The following CNIH3 variants were observed in gnomAD, a reference collection of about 807,000 sequenced individuals.
CNIH3 encodes cornichon family AMPA receptor auxiliary protein 3, also known as protein cornichon homolog 3.
CNIH3 carries 14 observed loss-of-function variants against 24.1 expected under a neutral mutation model. The ratio of observed to expected loss-of-function variants is 0.58; its 90% CI spans 0.38 to 0.91. CNIH3 has a LOEUF of 0.91. CNIH3 is among the 40% of genes least tolerant of loss of function. The pLI is 0.00. For missense variants in CNIH3, 178 were observed against 196.8 expected, an observed-to-expected ratio of 0.90 and a Z score of 0.57; for synonymous variants, 68 against 73.8, an observed-to-expected ratio of 0.92 and a Z score of 0.40.
At position 224,640,286 on chromosome 1, in the gene CNIH3, C is replaced by T. The variant is rs114787657; in HGVS notation, c.81+23031C>T. Among the ~76,000 whole-genome samples, 1,002 of 152,310 alleles carry T rather than the reference C, an allele frequency of 6.6e-3. 11 individuals carry two copies. The highest frequency in any genetic ancestry group is 0.023 in the African/African-American group (948 of 41,564). Reference sequence around the variant, plus strand: ...CACCAGCCTCCGCCACCTCTCTGAGCGGCACTTTTCTCATCTGGGTGGCTG... The same window carrying T: ...CACCAGCCTCCGCCACCTCTCTGAGTGGCACTTTTCTCATCTGGGTGGCTG... On this transcript the variant is annotated intron_variant, in intron 1 of 5. Transcript: ENST00000272133.
At chr1:224,652,966 C>T (rs1308090871) in intron 1 of CNIH3, among the ~76,000 whole-genome samples, 1 of 152,130 alleles carries the variant, frequency 6.6e-6, no homozygotes, top group African/African-American at 2.4e-5. Flanking sequence ...CTGGAAATTC[C>T]CAGCTGGAGG....
chr1:224,612,604 G>A (rs974920097), upstream of CNIH3, among the ~76,000 whole-genome samples: 1 of 152,182 alleles, frequency 6.6e-6, no homozygotes, highest in Admixed American at 6.5e-5. The surrounding 1 kb of genome is among the most constrained non-coding windows in gnomAD (Gnocchi z 4.7). Context: ...TGCTGAATTT[G>A]GATTAAGGTA....
At chr1:224,690,797 G>A (rs1686891428) in intron 3 of CNIH3, among the ~76,000 whole-genome samples, 1 of 152,190 alleles carries the variant, frequency 6.6e-6, no homozygotes, top group South Asian at 2.1e-4. Flanking sequence ...GGGTGAGTGG[G>A]CCATTGAGTT....
intron 1 of CNIH3, among the ~76,000 whole-genome samples, chr1:224,500,958 A>G (rs1214408828): frequency 6.6e-6 from 1 of 152,088 alleles, no homozygotes; most frequent in Non-Finnish European, 1.5e-5. Flanking sequence ...GCACCATCAC[A>G]TCTCCATGCC....
At chr1:224,680,816 G>A (rs762843600) in intron 1 of CNIH3, 142 bp from the exon 2 acceptor site, 17 of 657,474 alleles carry the variant, frequency 2.6e-5, no homozygotes, top group Non-Finnish European at 4.7e-5. Context: ...AGCTTCGACA[G>A]TGACCAGCTG....
chr1:224,628,157 C>T (rs1226662417), intron 1 of CNIH3, among the ~76,000 whole-genome samples: 4 of 152,124 alleles, frequency 2.6e-5, no homozygotes, highest in African/African-American at 7.2e-5. Context: ...CCTGCTTCTA[C>T]GCTTCGCTCA....
intron 1 of CNIH3, among the ~76,000 whole-genome samples, chr1:224,462,615 T>A (rs1195511545): frequency 6.6e-6 from 1 of 150,882 alleles, no homozygotes; most frequent in Non-Finnish European, 1.5e-5. Context: ...ATTACAGGTG[T>A]GAACCACTAG....
At position 224,516,720 on chromosome 1, in the gene CNIH3, C is replaced by T. The variant is rs553786383; in HGVS notation, n.15+844C>T. Among the ~76,000 whole-genome samples the T allele has an allele frequency of 1.3e-4, 20 of 152,322 alleles. No individual in the cohort carries two copies. In the South Asian group the frequency reaches 3.3e-3, roughly 25 times the overall value. On this transcript the variant is annotated intron_variant and non_coding_transcript_variant, in intron 1 of 2. Transcript: ENST00000470602. ...CTGCAAGAGCAGATAAGCCATTCGG[C>T]GCCTGCCATGGACAGAACAGCGCTG... is the stretch of plus-strand genomic sequence containing the variant.
At chr1:224,692,395 T>G (rs1260557914) in intron 3 of CNIH3, among the ~76,000 whole-genome samples, 2 of 152,188 alleles carry the variant, frequency 1.3e-5, no homozygotes, top group African/African-American at 4.8e-5. Flanking sequence ...ATTTCAGTTC[T>G]TTTTAGCTGT....
chr1:224,549,495 A>C (rs1181544072), intron 3 of CNIH3, among the ~76,000 whole-genome samples: 1 of 152,068 alleles, frequency 6.6e-6, no homozygotes, highest in Non-Finnish European at 1.5e-5. Context: ...CAGACAAATG[A>C]GAGTGATGAT....
chr1:224,450,726 T>C (rs1675362610), intron 1 of CNIH3, among the ~76,000 whole-genome samples: 1 of 152,206 alleles, frequency 6.6e-6, no homozygotes, highest in African/African-American at 2.4e-5. Flanking sequence ...AAAAAGGTCC[T>C]GTTGTTCACA....
chr1:224,547,002 G>A lies in CNIH3; in HGVS notation n.450+63G>A, dbSNP rs183764312. 1.7e-3 allele frequency: 1,153 copies of A among 677,960 alleles called. 7 individuals are homozygous for A. The highest frequency in any genetic ancestry group is 0.012 in the Middle Eastern group (16 of 1,334). The allele number at this position is 677,960 out of a possible 1,614,324, so 42.0% of individuals were successfully genotyped here. On this transcript the variant is annotated intron_variant and non_coding_transcript_variant, in intron 3 of 5. Transcript: ENST00000471578. ...ACTTTTGAAGTAGTAATTGGTAGTG[G>A]TAAGATGGGTGAGTGAGTACCTAAT...
chr1:224,517,723 C>T (rs6691603), intron 1 of CNIH3, among the ~76,000 whole-genome samples: 65 of 150,512 alleles, frequency 4.3e-4, no homozygotes, highest in African/African-American at 1.5e-3. Flanking sequence ...TGAGAACATA[C>T]GATGTTTGGT....
chr1:224,717,538 C>T (rs577604300), intron 3 of CNIH3: 1 of 152,488 alleles, frequency 6.6e-6, no homozygotes, highest in African/African-American at 2.4e-5. Context: ...GATCTGCCTC[C>T]CTCCTCCTTT....
chr1:224,574,470 A>G, intron 4 of CNIH3: 1 of 644,868 alleles, frequency 1.6e-6, no homozygotes, highest in Non-Finnish European at 2.8e-6. Context: ...TGGCACCAAG[A>G]TGCCCATCCT....
chr1:224,702,338 T>C (rs1241317055), intron 3 of CNIH3, among the ~76,000 whole-genome samples: 2 of 152,196 alleles, frequency 1.3e-5, no homozygotes, highest in African/African-American at 2.4e-5. Flanking sequence ...GTAAATACCT[T>C]TGTGGGCTTA....
intron 3 of CNIH3, among the ~76,000 whole-genome samples, chr1:224,697,256 G>A (rs1430462626): frequency 3.3e-5 from 5 of 152,196 alleles, no homozygotes; most frequent in Admixed American, 3.3e-4. Flanking sequence ...AACCTTGGCT[G>A]TACGCCGAAA....
At chr1:224,502,800 C>T (rs1677733252) in intron 1 of CNIH3, among the ~76,000 whole-genome samples, 1 of 152,216 alleles carries the variant, frequency 6.6e-6, no homozygotes, top group African/African-American at 2.4e-5. Context: ...TTTATCCCTT[C>T]TCTAACCACT....
At chr1:224,567,856 A>T (rs1246485477) in intron 4 of CNIH3, among the ~76,000 whole-genome samples, 1 of 152,210 alleles carries the variant, frequency 6.6e-6, no homozygotes, top group Non-Finnish European at 1.5e-5. Flanking sequence ...ATGTTATAAG[A>T]TCGAGAACCC....
Sources: allele counts gnomAD v4.1 joint callset (sites outside exome capture counted in the v4.1 genomes callset), GRCh38; gene constraint gnomAD v4.1.1; non-coding constraint Gnocchi (gnomAD v3.1); transcripts MANE v1.5; gene names NCBI Gene and HGNC (gene_info 2026-07-23, HGNC 2026-07-21).